KDM4C: variants seen among roughly 807,000 people sequenced by gnomAD.
KDM4C encodes lysine-specific demethylase 4C.
In KDM4C, 81 loss-of-function variants were observed where a neutral mutation model predicts 129.3. The observed-to-expected ratio is 0.63, with a 90% CI of 0.52 to 0.75. The LOEUF is 0.75. Among genes scored for constraint, KDM4C ranks in the 30% least tolerant of loss-of-function variants. KDM4C has a pLI of 0.00. For missense variants in KDM4C, 1,457 were observed against 1,304.0 expected, an observed-to-expected ratio of 1.12 and a Z score of -1.81; for synonymous variants, 573 against 456.1, an observed-to-expected ratio of 1.26 and a Z score of -3.26.
At chr9:6,814,127 C>A (rs1303856472) in intron 3 of KDM4C, among the ~76,000 whole-genome samples, 1 of 152,008 alleles carries the variant, frequency 6.6e-6, no homozygotes, top group Admixed American at 6.6e-5. Flanking sequence ...AGCTTATATT[C>A]CCACTCTAGT....
chr9:6,840,189 C>A (rs1379070182), intron 4 of KDM4C, among the ~76,000 whole-genome samples: 2 of 151,758 alleles, frequency 1.3e-5, no homozygotes, highest in African/African-American at 4.8e-5. Flanking sequence ...CTTTCTACCT[C>A]AGCCTCCTGA....
intron 1 of KDM4C, among the ~76,000 whole-genome samples, chr9:6,752,072 GCCT>G: frequency 2.7e-5 from 4 of 150,522 alleles, no homozygotes; most frequent in African/African-American, 1.0e-4. Flanking sequence ...GGTGGCTCAC[GCCT>G]GTAATCCCAG....
chr9:6,894,744 A>G (rs1286600944), intron 8 of KDM4C, among the ~76,000 whole-genome samples: 3 of 152,180 alleles, frequency 2.0e-5, no homozygotes, highest in Admixed American at 6.5e-5. Flanking sequence ...AGAGGCTGGT[A>G]GTGCTCCTCT....
intron 4 of KDM4C, among the ~76,000 whole-genome samples, chr9:6,836,547 C>T (rs1362814610): frequency 6.6e-6 from 1 of 152,124 alleles, no homozygotes; most frequent in Admixed American, 6.5e-5. Flanking sequence ...TAGTCCTTTC[C>T]TGCTATGCCA....
chr9:7,017,853 A>T (rs1222082149), intron 15 of KDM4C, among the ~76,000 whole-genome samples: 2 of 152,196 alleles, frequency 1.3e-5, no homozygotes, highest in Admixed American at 1.3e-4. Context: ...ATGACTGTGT[A>T]TATTTAGTTC....
At chr9:6,993,511 C>T (rs529975024) in intron 12 of KDM4C, among the ~76,000 whole-genome samples, 3 of 152,108 alleles carry the variant, frequency 2.0e-5, no homozygotes, top group Admixed American at 1.3e-4. Flanking sequence ...GTTTTATTCT[C>T]GAAGCATCCA....
At chr9:6,744,762 C>A (rs1817821797) in intron 1 of KDM4C, among the ~76,000 whole-genome samples, 1 of 151,860 alleles carries the variant, frequency 6.6e-6, no homozygotes, top group South Asian at 2.1e-4. Context: ...CACACAGACT[C>A]CAGGAGTGGT....
chr9:6,769,020 A>C (rs890842818), intron 1 of KDM4C, among the ~76,000 whole-genome samples: 5 of 151,862 alleles, frequency 3.3e-5, no homozygotes, highest in Non-Finnish European at 5.9e-5. Flanking sequence ...TGATCCACCC[A>C]CCTCAGCCTC....
intron 1 of KDM4C, among the ~76,000 whole-genome samples, chr9:6,783,296 G>A (rs1199541691): frequency 3.9e-5 from 6 of 152,200 alleles, no homozygotes; most frequent in Non-Finnish European, 7.3e-5. Context: ...AAGCTAAACT[G>A]TGGATGGATT....
At chr9:6,765,382 C>A (rs1340569997) in intron 1 of KDM4C, among the ~76,000 whole-genome samples, 1 of 152,110 alleles carries the variant, frequency 6.6e-6, no homozygotes, top group Non-Finnish European at 1.5e-5. Flanking sequence ...AGAAACCTGA[C>A]CTGTTACTCA....
chr9:6,887,023 C>T (rs576853299), intron 6 of KDM4C, among the ~76,000 whole-genome samples: 107 of 152,362 alleles, frequency 7.0e-4, no homozygotes, highest in South Asian at 4.3e-3. Context: ...AGTCAGACAG[C>T]ATCTACGCCT....
At chr9:6,773,846 C>A (rs925172620) in intron 1 of KDM4C, among the ~76,000 whole-genome samples, 1 of 151,328 alleles carries the variant, frequency 6.6e-6, no homozygotes, top group African/African-American at 2.4e-5. Flanking sequence ...GGGAAGAGAC[C>A]TAGGCAAGTT....
chr9:7,090,995 T>A (rs6477152), intron 17 of KDM4C, among the ~76,000 whole-genome samples: 116,527 of 152,082 alleles, frequency 0.77, 44,978 homozygotes, highest in Middle Eastern at 0.84. Flanking sequence ...GGAGCATGGA[T>A]GCATTTTATG....
intron 5 of KDM4C, among the ~76,000 whole-genome samples, chr9:6,857,922 G>GTTTTTT (rs71487861): frequency 6.6e-4 from 68 of 103,090 alleles, no homozygotes; most frequent in African/African-American, 1.9e-3. Flanking sequence ...ATCTGGCTAA[G>GTTTTTT]TTTTTTTTTT....
At chr9:7,061,155 G>A (rs1831607641) in intron 17 of KDM4C, among the ~76,000 whole-genome samples, 1 of 152,140 alleles carries the variant, frequency 6.6e-6, no homozygotes. Flanking sequence ...ATACAGATGT[G>A]TCCTTCTTCT....
intron 17 of KDM4C, among the ~76,000 whole-genome samples, chr9:7,080,442 G>A (rs1291094476): frequency 1.3e-5 from 2 of 152,158 alleles, no homozygotes; most frequent in African/African-American, 4.8e-5. Flanking sequence ...TAAGGCCATT[G>A]TATAGTTGGG....
At chr9:7,037,101 G>A (rs1242343769) in intron 15 of KDM4C, among the ~76,000 whole-genome samples, 1 of 152,148 alleles carries the variant, frequency 6.6e-6, no homozygotes, top group Non-Finnish European at 1.5e-5. Context: ...GTTCTCCCAT[G>A]TCTTGCTGAT....
chr9:7,061,977 G>T (rs1831747761), intron 17 of KDM4C, among the ~76,000 whole-genome samples: 1 of 152,092 alleles, frequency 6.6e-6, no homozygotes, highest in African/African-American at 2.4e-5. Context: ...TCTGGTTCTG[G>T]CTTTTCTTGA....
At chr9:6,915,787 C>T (rs1820199109) in intron 8 of KDM4C, among the ~76,000 whole-genome samples, 1 of 152,090 alleles carries the variant, frequency 6.6e-6, no homozygotes, top group Non-Finnish European at 1.5e-5. Context: ...TTTACACTTC[C>T]AGCTTCCTTT....
Sources: allele counts gnomAD v4.1 joint callset (sites outside exome capture counted in the v4.1 genomes callset), GRCh38; gene constraint gnomAD v4.1.1; transcripts MANE v1.5; gene names NCBI Gene and HGNC (gene_info 2026-07-23, HGNC 2026-07-21).